The following FNDC3B variants were observed in gnomAD, a reference collection of about 807,000 sequenced individuals.
The protein encoded by FNDC3B is fibronectin type III domain-containing protein 3B.
In FNDC3B, 12 loss-of-function variants were observed where a neutral mutation model predicts 151.5. That is an observed-to-expected ratio of 0.08 (90% CI 0.05 to 0.13). The LOEUF (loss-of-function observed/expected upper bound fraction) is 0.13. Among genes scored for constraint, FNDC3B ranks in the 10% least tolerant of loss-of-function variants. The pLI is 1.00. For synonymous variants in FNDC3B, 528 were observed against 549.0 expected (o/e 0.96, Z 0.54); for missense variants, 1,214 against 1,505.3 (o/e 0.81, Z 3.20).
In FNDC3B at chr3:172,162,986, T is replaced by C. The variant is rs1301885346; in HGVS notation, c.187+29440T>C. Among the ~76,000 whole-genome samples, 4 of 152,300 alleles carry C rather than the reference T, an allele frequency of 2.6e-5. No individual in the cohort carries two copies. In the East Asian group the frequency reaches 7.7e-4, roughly 29 times the overall value. Reference sequence around the variant, plus strand: ...CATAAAATATATGTATAAGGAATAATTAATAGCTGGGCATGGTGGTTCATG... The same window carrying C: ...CATAAAATATATGTATAAGGAATAACTAATAGCTGGGCATGGTGGTTCATG... On this transcript the variant is annotated intron_variant, in intron 3 of 25. Coordinates refer to ENST00000415807, the MANE Select transcript of FNDC3B (RefSeq NM_022763.4).
At chr3:172,357,348 C>T (rs1348132518) in intron 22 of FNDC3B, among the ~76,000 whole-genome samples, 1 of 152,122 alleles carries the variant, frequency 6.6e-6, no homozygotes, top group Non-Finnish European at 1.5e-5. Context: ...TTTAAACTGA[C>T]ATAATGCAAA....
In FNDC3B at chr3:172,301,857, C is replaced by A. The variant is rs936339245; in HGVS notation, c.1061+3070C>A. Reference sequence around the variant, plus strand: ...TGGGCAACAGCAGGAGACCTTGTCTCTAAATAAATAAATAAATAAGTGAAT... The same window carrying A: ...TGGGCAACAGCAGGAGACCTTGTCTATAAATAAATAAATAAATAAGTGAAT... On this transcript the variant is annotated intron_variant, in intron 9 of 25. Transcript: ENST00000415807. The A allele has an allele frequency of 2.6e-5, 4 of 152,112 alleles. No individual in the cohort carries two copies. The East Asian group carries it at 7.7e-4, about 29-fold the overall frequency. The allele number at this position is 152,112 out of a possible 1,614,324, so 9.4% of individuals were successfully genotyped here.
At chr3:172,046,090 G>A (rs919499162) in intron 1 of FNDC3B, among the ~76,000 whole-genome samples, 1 of 152,064 alleles carries the variant, frequency 6.6e-6, no homozygotes, top group Admixed American at 6.5e-5. Flanking sequence ...AAGATCAGGG[G>A]ACAGAAATGT....
intron 11 of FNDC3B, among the ~76,000 whole-genome samples, chr3:172,313,740 C>T (rs1731638084): frequency 6.6e-6 from 1 of 152,230 alleles, no homozygotes; most frequent in Non-Finnish European, 1.5e-5. Flanking sequence ...TTATACCCCT[C>T]TCATTTCCCA....
intron 5 of FNDC3B, among the ~76,000 whole-genome samples, chr3:172,248,007 AC>A (rs1415770926): frequency 3.9e-5 from 6 of 151,944 alleles, no homozygotes; most frequent in African/African-American, 1.5e-4. Flanking sequence ...CTCGGCCCCA[AC>A]CCCCACCTTA....
intron 16 of FNDC3B, 145 bp from the exon 17 acceptor site, chr3:172,340,968 G>T (rs1457563447): frequency 4.7e-6 from 3 of 640,102 alleles, no homozygotes; most frequent in African/African-American, 1.8e-5. Context: ...CTTTGTAAAA[G>T]AAAAAGGAAG....
chr3:172,216,340 A>C (rs1725974336), intron 3 of FNDC3B, among the ~76,000 whole-genome samples: 2 of 152,212 alleles, frequency 1.3e-5, no homozygotes, highest in South Asian at 4.1e-4. Flanking sequence ...AAAGATCAAA[A>C]CAAAGAAAGA....
At chr3:172,247,939 G>A (rs1198817645) in intron 5 of FNDC3B, among the ~76,000 whole-genome samples, 163 bp downstream of exon 5, 2 of 152,162 alleles carry the variant, frequency 1.3e-5, no homozygotes, top group Non-Finnish European at 2.9e-5. Context: ...CCTGAATGGT[G>A]CCTTGGAAAA....
chr3:172,268,264 T>C (rs549781193), intron 6 of FNDC3B, among the ~76,000 whole-genome samples: 1 of 152,354 alleles, frequency 6.6e-6, no homozygotes, highest in Admixed American at 6.5e-5. Context: ...CATCAGTGCA[T>C]CATTAGTTAA....
At chr3:172,070,915 T>C (rs1365199118) in intron 1 of FNDC3B, among the ~76,000 whole-genome samples, 14 of 152,236 alleles carry the variant, frequency 9.2e-5, no homozygotes, top group Non-Finnish European at 1.9e-4. Context: ...TATATTTTCA[T>C]CTAATTTAAA....
At chr3:172,078,676 G>T (rs535131863) in intron 1 of FNDC3B, among the ~76,000 whole-genome samples, 9 of 152,344 alleles carry the variant, frequency 5.9e-5, no homozygotes, top group African/African-American at 1.9e-4. Flanking sequence ...CATTAAGGTT[G>T]CTGTAGATGA....
chr3:172,139,300 C>T (rs1721507465), intron 3 of FNDC3B, among the ~76,000 whole-genome samples: 2 of 152,134 alleles, frequency 1.3e-5, no homozygotes, highest in African/African-American at 2.4e-5. Context: ...TTGTCTCTTG[C>T]TTTGTTTAGT....
chr3:172,257,605 C>G (rs1034462797), intron 6 of FNDC3B, among the ~76,000 whole-genome samples: 6 of 150,920 alleles, frequency 4.0e-5, no homozygotes, highest in Non-Finnish European at 8.8e-5. Context: ...CACACACACA[C>G]ACACGCACTC....
At chr3:172,152,545 T>G (rs1409079865) in intron 3 of FNDC3B, among the ~76,000 whole-genome samples, 1 of 151,784 alleles carries the variant, frequency 6.6e-6, no homozygotes, top group African/African-American at 2.4e-5. Context: ...TTTTTTCTCC[T>G]GTTTCTGCCA....
intron 19 of FNDC3B, among the ~76,000 whole-genome samples, chr3:172,344,640 A>G (rs601277): frequency 0.45 from 67,814 of 152,098 alleles, 17,305 homozygotes; most frequent in Non-Finnish European, 0.59. Context: ...TAAATGAACC[A>G]GCAACATCTT....
intron 1 of FNDC3B, among the ~76,000 whole-genome samples, chr3:172,064,948 T>C (rs146867148): frequency 1.3e-5 from 2 of 152,224 alleles, no homozygotes; most frequent in Non-Finnish European, 2.9e-5. Context: ...CCATTGATCC[T>C]GAGTTCACCT....
rs73880153 is a variant in FNDC3B at position 172,372,543 on chromosome 3, T to C, written c.3009-5727T>C. ...AATAACAAAGTGAGCATTTTATTTG[T>C]ATTCCTTGGCCACCAAATTAGATGA... On this transcript the variant is annotated intron_variant, in intron 23 of 25. Coordinates refer to ENST00000415807, the MANE Select transcript of FNDC3B (RefSeq NM_022763.4). 5.8e-3 allele frequency among the ~76,000 whole-genome samples: 882 copies of C among 152,368 alleles called. 7 individuals carry two copies. Among genetic ancestry groups the C allele is most frequent in the African/African-American group, 0.02 (851 of 41,582 alleles).
At chr3:172,074,709 C>G (rs1021811762) in intron 1 of FNDC3B, among the ~76,000 whole-genome samples, 2 of 152,178 alleles carry the variant, frequency 1.3e-5, no homozygotes, top group African/African-American at 4.8e-5. Context: ...GGAAAGGAAG[C>G]TATTTCATAA....
chr3:172,224,852 T>C (rs1354666634), intron 3 of FNDC3B, among the ~76,000 whole-genome samples: 1 of 152,208 alleles, frequency 6.6e-6, no homozygotes, highest in Non-Finnish European at 1.5e-5. Context: ...TAGAAACACA[T>C]AGTTTTCTAT....
Sources: gnomAD v4.1 joint callset for allele counts (sites outside exome capture counted in the v4.1 genomes callset) on GRCh38, gnomAD v4.1.1 for gene constraint, MANE v1.5 for transcripts, NCBI Gene and HGNC (gene_info 2026-07-23, HGNC 2026-07-21) for gene names.